The following CCDC178 variants were observed in gnomAD, a reference collection of about 807,000 sequenced individuals.
The protein encoded by CCDC178 is coiled-coil domain containing 178.
CCDC178 carries 126 observed loss-of-function variants against 117.4 expected under a neutral mutation model. The observed-to-expected ratio is 1.07, with a 90% CI of 0.93 to 1.24. The LOEUF is 1.24. Ranked by LOEUF, CCDC178 falls within the 50% of genes most tolerant of loss-of-function variation. CCDC178 has a pLI of 0.00. For missense variants in CCDC178, 1,030 were observed against 986.9 expected (o/e 1.04, Z -0.59); for synonymous variants, 283 against 313.4 (o/e 0.90, Z 1.02).
intron 22 of CCDC178, 98 bp from the exon 23 acceptor site, chr18:32,938,189 A>G: frequency 1.2e-6 from 1 of 814,422 alleles, no homozygotes; most frequent in Non-Finnish European, 2.1e-6. Context: ...ACTTATCAAC[A>G]ATAAAAATAA....
chr18:33,137,835 G>A (rs1490508787), intron 20 of CCDC178, among the ~76,000 whole-genome samples: 1 of 152,172 alleles, frequency 6.6e-6, no homozygotes, highest in Non-Finnish European at 1.5e-5. Flanking sequence ...GCAATTAGTG[G>A]AAGCCATATC....
chr18:32,949,760 TG>T (rs2054439184), intron 22 of CCDC178, among the ~76,000 whole-genome samples: 1 of 152,208 alleles, frequency 6.6e-6, no homozygotes, highest in East Asian at 1.9e-4. Flanking sequence ...TTTGCATTCC[TG>T]GATTTGATGT....
At chr18:32,946,667 T>C (rs1396683641) in intron 22 of CCDC178, among the ~76,000 whole-genome samples, 1 of 151,514 alleles carries the variant, frequency 6.6e-6, no homozygotes, top group Admixed American at 6.6e-5. Flanking sequence ...TGAATTATAA[T>C]AATTATTAAC....
At chr18:33,195,438 A>G (rs2058919505) in intron 20 of CCDC178, among the ~76,000 whole-genome samples, 1 of 152,108 alleles carries the variant, frequency 6.6e-6, no homozygotes, top group African/African-American at 2.4e-5. Context: ...AGCCTTTTAT[A>G]TGCACCTGTC....
chr18:33,356,133 T>C (rs958965572), intron 7 of CCDC178, among the ~76,000 whole-genome samples, 191 bp downstream of exon 7: 2 of 152,196 alleles, frequency 1.3e-5, no homozygotes, highest in African/African-American at 4.8e-5. Flanking sequence ...GGTGGAGCTC[T>C]GGAGATCTCT....
At chr18:33,243,098 A>T (rs933544012) in intron 15 of CCDC178, among the ~76,000 whole-genome samples, 3 of 151,994 alleles carry the variant, frequency 2.0e-5, no homozygotes, top group Admixed American at 2.0e-4. Context: ...TATCATTTGC[A>T]GAAACATGGA....
At chr18:33,055,060 CT>C (rs2056807038) in intron 21 of CCDC178, among the ~76,000 whole-genome samples, 1 of 152,146 alleles carries the variant, frequency 6.6e-6, no homozygotes, top group African/African-American at 2.4e-5. Flanking sequence ...TGTTTGTTGG[CT>C]GCATGTATGT....
At chr18:32,976,436 C>G (rs976978506) in intron 21 of CCDC178, among the ~76,000 whole-genome samples, 1 of 152,124 alleles carries the variant, frequency 6.6e-6, no homozygotes, top group South Asian at 2.1e-4. Context: ...GGAGGTAGCA[C>G]TAGCCCTGTA....
chr18:33,143,067 A>G (rs2058226946), intron 20 of CCDC178, among the ~76,000 whole-genome samples: 1 of 152,186 alleles, frequency 6.6e-6, no homozygotes, highest in African/African-American at 2.4e-5. Context: ...AAAAGGGCAC[A>G]GTATTAAGAT....
chr18:33,192,826 G>A (rs1163254799), intron 20 of CCDC178, among the ~76,000 whole-genome samples: 1 of 151,078 alleles, frequency 6.6e-6, no homozygotes, highest in Non-Finnish European at 1.5e-5. Flanking sequence ...TCTTGAACCC[G>A]GGAGGCGGAG....
chr18:33,223,232 C>T lies in CCDC178; in HGVS notation c.1819-13G>A. On this transcript the variant is annotated splice_polypyrimidine_tract_variant and intron_variant, in intron 17 of 22. Transcript: ENST00000383096. Reference sequence around the variant, plus strand: ...TATTATTAAGCATCTAGAAGACATTCAGATATTAAGATGTGCAGCATTTGC... The same window carrying T: ...TATTATTAAGCATCTAGAAGACATTTAGATATTAAGATGTGCAGCATTTGC... The T allele has an allele frequency of 1.3e-6, 2 of 1,583,810 alleles. No individual in the cohort carries two copies. Among genetic ancestry groups the T allele is most frequent in the Non-Finnish European group, 1.7e-6 (2 of 1,165,878 alleles).
intron 20 of CCDC178, among the ~76,000 whole-genome samples, chr18:33,143,898 C>A (rs1055599807): frequency 1.3e-5 from 2 of 152,010 alleles, no homozygotes; most frequent in African/African-American, 4.8e-5. Context: ...TGTATTAGGG[C>A]TTAGTAGAAA....
intron 20 of CCDC178, among the ~76,000 whole-genome samples, chr18:33,116,479 G>C (rs1264450291): frequency 6.6e-6 from 1 of 152,148 alleles, no homozygotes; most frequent in Non-Finnish European, 1.5e-5. Flanking sequence ...CTGTAGGTCA[G>C]AAATTCTGGC....
intron 21 of CCDC178, among the ~76,000 whole-genome samples, chr18:33,085,262 T>C (rs1371105372): frequency 6.6e-6 from 1 of 152,228 alleles, no homozygotes; most frequent in Admixed American, 6.5e-5. Context: ...AGGTGCTTTA[T>C]ATTTAAAACG....
At chr18:33,257,572 A>T (rs572871725) in intron 14 of CCDC178, among the ~76,000 whole-genome samples, 1 of 152,188 alleles carries the variant, frequency 6.6e-6, no homozygotes, top group African/African-American at 2.4e-5. Context: ...GACCCCTGAG[A>T]ATTTCCTTTA....
intron 3 of CCDC178, among the ~76,000 whole-genome samples, chr18:33,403,867 T>A (rs2063744046): frequency 6.6e-6 from 1 of 152,206 alleles, no homozygotes; most frequent in Non-Finnish European, 1.5e-5. Flanking sequence ...TTTTTACTTT[T>A]ATCTCCAGCT....
At chr18:33,137,942 A>G (rs1319532302) in intron 20 of CCDC178, among the ~76,000 whole-genome samples, 2 of 152,240 alleles carry the variant, frequency 1.3e-5, no homozygotes. Context: ...TGGAAAGTGG[A>G]CAAGGCGAAC....
chr18:33,400,476 C>T (rs1186580325), intron 3 of CCDC178, among the ~76,000 whole-genome samples: 1 of 152,210 alleles, frequency 6.6e-6, no homozygotes, highest in Non-Finnish European at 1.5e-5. Flanking sequence ...GGATAACTTG[C>T]TGCAGCTTCT....
At chr18:33,397,032 T>C in intron 4 of CCDC178, 117 bp downstream of exon 4, 2 of 664,926 alleles carry the variant, frequency 3.0e-6, no homozygotes, top group Admixed American at 2.8e-5. Context: ...TGATAGAACA[T>C]CAATTAGGAA....
Sources: gnomAD v4.1 joint callset for allele counts (sites outside exome capture counted in the v4.1 genomes callset) on GRCh38, gnomAD v4.1.1 for gene constraint, MANE v1.5 for transcripts, NCBI Gene and HGNC (gene_info 2026-07-23, HGNC 2026-07-21) for gene names.